Variants in NDST4 observed in about 807,000 individuals in gnomAD.
The protein encoded by NDST4 is N-heparan sulfate sulfotransferase 4.
NDST4 carries 63 observed loss-of-function variants against 100.8 expected under a neutral mutation model. The observed-to-expected ratio is 0.62, with a 90% CI of 0.51 to 0.77. The LOEUF is 0.77. NDST4 is among the 30% of genes least tolerant of loss of function. The pLI, the probability that NDST4 is intolerant of heterozygous loss-of-function variation, is 0.00. For synonymous variants in NDST4, 377 were observed against 361.8 expected, an observed-to-expected ratio of 1.04 and a Z score of -0.48; for missense variants, 943 against 1,018.4, an observed-to-expected ratio of 0.93 and a Z score of 1.01.
intron 6 of NDST4, among the ~76,000 whole-genome samples, chr4:114,884,754 A>G (rs1724443517): frequency 3.3e-5 from 5 of 152,164 alleles, no homozygotes; most frequent in Admixed American, 3.3e-4. Context: ...AAGCATATGA[A>G]TGGTTCTCCA....
intron 1 of NDST4, among the ~76,000 whole-genome samples, chr4:115,086,246 CA>C (rs1729408161): frequency 6.6e-6 from 1 of 151,632 alleles, no homozygotes; most frequent in Admixed American, 6.6e-5. Context: ...GCTTCCAGGC[CA>C]AAAAATATTA....
chr4:114,927,478 G>A (rs1161949279), intron 6 of NDST4, among the ~76,000 whole-genome samples: 1 of 151,862 alleles, frequency 6.6e-6, no homozygotes, highest in African/African-American at 2.4e-5. Flanking sequence ...ATAATGGTGA[G>A]ATTATATTAT....
chr4:115,109,816 G>C (rs747599000), intron 1 of NDST4, among the ~76,000 whole-genome samples: 2 of 151,756 alleles, frequency 1.3e-5, no homozygotes, highest in Non-Finnish European at 1.5e-5. Flanking sequence ...GTCATGTGTA[G>C]TTTATTTTAT....
At chr4:114,876,879 G>T (rs760759198) in intron 6 of NDST4, among the ~76,000 whole-genome samples, 1 of 152,046 alleles carries the variant, frequency 6.6e-6, no homozygotes. Context: ...GTGCACTTTT[G>T]TTGTGTTACT....
At chr4:114,851,702 T>C (rs1392465665) in intron 8 of NDST4, among the ~76,000 whole-genome samples, 1 of 152,208 alleles carries the variant, frequency 6.6e-6, no homozygotes, top group Admixed American at 6.5e-5. Context: ...AAAATTAATG[T>C]ACATTTTAAA....
chr4:115,066,730 T>C (rs1698789742), intron 2 of NDST4, among the ~76,000 whole-genome samples: 1 of 152,164 alleles, frequency 6.6e-6, no homozygotes. Context: ...GCTGGGCACC[T>C]AAAGATTTCA....
intron 2 of NDST4, among the ~76,000 whole-genome samples, chr4:115,071,645 G>A (rs147943198): frequency 2.0e-5 from 3 of 151,466 alleles, no homozygotes; most frequent in African/African-American, 4.8e-5. Flanking sequence ...GAAAATTGTC[G>A]GTAGCTATGC....
chr4:114,932,092 T>C (rs1725528033), intron 6 of NDST4, among the ~76,000 whole-genome samples: 1 of 151,812 alleles, frequency 6.6e-6, no homozygotes, highest in African/African-American at 2.4e-5. Context: ...ACAAAAGTTC[T>C]CAATGAAATC....
At chr4:115,080,406 G>C (rs1729276799) in intron 1 of NDST4, among the ~76,000 whole-genome samples, 1 of 152,088 alleles carries the variant, frequency 6.6e-6, no homozygotes, top group Non-Finnish European at 1.5e-5. Context: ...CAAAATGCTG[G>C]GATTGCAGGC....
At chr4:114,939,743 A>G (rs1278347178) in intron 4 of NDST4, among the ~76,000 whole-genome samples, 1 of 152,170 alleles carries the variant, frequency 6.6e-6, no homozygotes, top group East Asian at 1.9e-4. Context: ...CAGTAAAAAA[A>G]AGTTACTATA....
chr4:114,994,560 T>C (rs1727119028), intron 2 of NDST4, among the ~76,000 whole-genome samples: 1 of 152,024 alleles, frequency 6.6e-6, no homozygotes, highest in South Asian at 2.1e-4. Flanking sequence ...TCAACACTCA[T>C]GTCCCCAGGG....
Position 114,848,288 on chromosome 4 carries a change from T to G in NDST4, c.1867A>C (p.Asn623His), listed in dbSNP as rs770047828. 6.2e-7 allele frequency: 1 copy of G among 1,608,910 alleles called. No individual in the cohort carries two copies. The highest frequency in any genetic ancestry group is 1.1e-5 in the South Asian group (1 of 90,308). The stretch of plus-strand genomic sequence containing the variant: ...TCAAATGTCTTTGGACTAGGGAGAT[T>G]GCTGATGATTGAAGGATGCATAAGA... The part of the protein sequence containing the change: ...FLLMHPSIIS[N>H]LPSPKTFEEV... The change falls in exon 9 of 14, where the codon AAT (asparagine) becomes CAT (histidine). Residue 623 changes from asparagine (N) to histidine (H), a missense_variant. Physicochemically the swap from Asn to His is moderately conservative, Grantham distance 68. Coordinates refer to ENST00000264363, the MANE Select transcript of NDST4 (RefSeq NM_022569.3).
intron 10 of NDST4, among the ~76,000 whole-genome samples, chr4:114,843,367 T>C (rs1560774619): frequency 6.6e-6 from 1 of 152,162 alleles, no homozygotes; most frequent in Non-Finnish European, 1.5e-5. Context: ...TATTTTCTCT[T>C]CTGGGCCTTT....
At position 114,869,107 on chromosome 4, in the gene NDST4, G is replaced by A. The variant is rs1170144345; in HGVS notation, c.1719+1661C>T. 5.3e-5 allele frequency among the ~76,000 whole-genome samples: 8 copies of A among 151,304 alleles called. 1 individual carries two copies. In the South Asian group the frequency reaches 1.5e-3, roughly 27 times the overall value. ...TTCAATCAATACTTAGAATCATCAT[G>A]TTGCCCAAATCATATTGGAGCTGGC... On this transcript the variant is annotated intron_variant, in intron 7 of 13. Transcript: ENST00000264363.
At chr4:114,930,778 T>C (rs1725495597) in intron 6 of NDST4, among the ~76,000 whole-genome samples, 1 of 152,056 alleles carries the variant, frequency 6.6e-6, no homozygotes, top group Non-Finnish European at 1.5e-5. Context: ...GAAGAAGAAA[T>C]TAGAAAGCTG....
At chr4:115,085,007 T>C (rs1322675296) in intron 1 of NDST4, among the ~76,000 whole-genome samples, 2 of 152,112 alleles carry the variant, frequency 1.3e-5, no homozygotes, top group Non-Finnish European at 2.9e-5. Context: ...GAATACCAAC[T>C]GTGAAAGCAG....
intron 6 of NDST4, among the ~76,000 whole-genome samples, chr4:114,899,517 C>T (rs4336245): frequency 0.15 from 23,478 of 151,472 alleles, 2,220 homozygotes; most frequent in African/African-American, 0.28. Context: ...CAATCTATTC[C>T]TAGTTTACTG....
chr4:114,846,977 T>A (rs1397981408), intron 9 of NDST4, among the ~76,000 whole-genome samples: 1 of 152,110 alleles, frequency 6.6e-6, no homozygotes, highest in Non-Finnish European at 1.5e-5. Flanking sequence ...AGGTAGGATA[T>A]AATGTCCCAG....
At chr4:114,835,500 A>C (rs968856826) in intron 11 of NDST4, among the ~76,000 whole-genome samples, 1 of 152,070 alleles carries the variant, frequency 6.6e-6, no homozygotes, top group Non-Finnish European at 1.5e-5. Flanking sequence ...TATGATTTCC[A>C]TTCTTTTGCA....
Sources: allele counts gnomAD v4.1 joint callset (sites outside exome capture counted in the v4.1 genomes callset), GRCh38; gene constraint gnomAD v4.1.1; transcripts MANE v1.5; gene names NCBI Gene and HGNC (gene_info 2026-07-23, HGNC 2026-07-21).